The following PDE10A variants were observed in gnomAD, a reference collection of about 807,000 sequenced individuals.
PDE10A encodes the protein phosphodiesterase 10A.
Under a neutral mutation model 97.7 loss-of-function variants are expected in PDE10A, and 39 were observed. The ratio of observed to expected loss-of-function variants is 0.40; its 90% confidence interval spans 0.31 to 0.52. PDE10A has a LOEUF of 0.52. Among genes scored for constraint, PDE10A ranks in the 20% least tolerant of loss-of-function variants. The pLI, the probability that PDE10A is intolerant of heterozygous loss-of-function variation, is 0.56. For synonymous variants in PDE10A, 371 were observed against 376.8 expected, an observed-to-expected ratio of 0.98 and a Z score of 0.18; for missense variants, 731 against 1,047.8, an observed-to-expected ratio of 0.70 and a Z score of 4.17.
intron 1 of PDE10A, among the ~76,000 whole-genome samples, chr6:165,816,760 G>A (rs768369794): frequency 1.5e-4 from 23 of 152,210 alleles, no homozygotes; most frequent in African/African-American, 4.6e-4. Flanking sequence ...GGGCTCAGAC[G>A]GTGGAAAGAG....
intron 1 of PDE10A, among the ~76,000 whole-genome samples, chr6:165,676,732 C>T (rs10455804): frequency 0.47 from 62,126 of 130,836 alleles, 13,077 homozygotes; most frequent in South Asian, 0.54. Context: ...GTGACTCACA[C>T]GATCTGACTT....
intron 2 of PDE10A, among the ~76,000 whole-genome samples, chr6:165,488,029 CAAAAAAAAA>C (rs58319021): frequency 2.5e-4 from 21 of 83,382 alleles, no homozygotes; most frequent in Admixed American, 8.3e-4. Context: ...AACAAATTGG[CAAAAAAAAA>C]AAAAAAAAAA....
chr6:165,855,816 G>T (rs183289511), intron 1 of PDE10A, among the ~76,000 whole-genome samples: 40 of 152,194 alleles, frequency 2.6e-4, no homozygotes, highest in Non-Finnish European at 4.9e-4. Context: ...CTGGGCGGCT[G>T]GTCAGGTCCA....
intron 1 of PDE10A, among the ~76,000 whole-genome samples, chr6:165,898,808 C>T (rs1272668865): frequency 6.6e-6 from 1 of 152,142 alleles, no homozygotes; most frequent in East Asian, 1.9e-4. Flanking sequence ...GCTGCCTCCT[C>T]CCTGCTCCAT....
rs1479258757 is a variant in PDE10A, at chr6:165,662,640, G to A, written c.172C>T (p.Arg58Trp). 1 of 141,858 alleles carries A rather than the reference G, an allele frequency of 7.0e-6. No individual in the cohort carries two copies. The highest frequency in any genetic ancestry group is 2.5e-5 in the African/African-American group (1 of 39,556). The allele number at this position is 141,858 out of a possible 1,614,324, so 8.8% of individuals were successfully genotyped here. A position where few individuals can be genotyped will look rare whatever the true frequency, so the allele number is the denominator to read the frequency against. The change falls in exon 1 of 22, where the codon CGG (arginine) becomes TGG (tryptophan). Residue 58 changes from arginine (R) to tryptophan (W), a missense_variant. Arg to Trp is a moderately radical substitution (Grantham distance 101, BLOSUM62 -3). This residue lies in a region of PDE10A where 181 missense variants were observed against 159.1 expected (regional missense o/e 1.14). Coordinates refer to ENST00000539869, the MANE Select transcript of PDE10A (RefSeq NM_001385079.1). ...CGCGGGGGCGCGGCGCGCTCCGCCC[G>A]GCCACGGCCAGGCCACTCGGGGGCC... ...GPAPEWPGRG[R>W]AERAAPPRPP... is the part of the protein sequence containing the mutation.
At chr6:165,690,778 A>C (rs2128441488) in intron 1 of PDE10A, among the ~76,000 whole-genome samples, 1 of 152,332 alleles carries the variant, frequency 6.6e-6, no homozygotes, top group South Asian at 2.1e-4. Flanking sequence ...ATGAAGGTTA[A>C]TTTCATGTGT....
chr6:165,839,106 C>A (rs1026883138), intron 1 of PDE10A, among the ~76,000 whole-genome samples: 1 of 152,212 alleles, frequency 6.6e-6, no homozygotes, highest in Non-Finnish European at 1.5e-5. Flanking sequence ...TCCAGAAACT[C>A]TTTTTCTGTA....
intron 1 of PDE10A, among the ~76,000 whole-genome samples, chr6:165,616,916 T>A (rs1221312538): frequency 1.3e-5 from 2 of 152,198 alleles, no homozygotes; most frequent in African/African-American, 2.4e-5. Context: ...AAATATATAT[T>A]GTTTAATTAC....
At chr6:165,521,496 A>G (rs1407690146) in intron 2 of PDE10A, among the ~76,000 whole-genome samples, 2 of 152,228 alleles carry the variant, frequency 1.3e-5, no homozygotes, top group Admixed American at 1.3e-4. Context: ...ATGCAAAGCA[A>G]AAGCTCTTCA....
At chr6:165,609,340 G>T (rs546564582) in intron 1 of PDE10A, among the ~76,000 whole-genome samples, 1 of 152,240 alleles carries the variant, frequency 6.6e-6, no homozygotes, top group South Asian at 2.1e-4. Context: ...AATAAATTAG[G>T]TACTGATGGG....
chr6:165,776,966 A>G (rs556385500), intron 1 of PDE10A, among the ~76,000 whole-genome samples: 2 of 152,298 alleles, frequency 1.3e-5, no homozygotes, highest in Admixed American at 6.5e-5. Context: ...AAAATTACAC[A>G]TGCATGTTTG....
At chr6:165,664,297 T>C (rs1054844915), upstream of PDE10A, among the ~76,000 whole-genome samples, 2 of 152,144 alleles carry the variant, frequency 1.3e-5, no homozygotes, top group Admixed American at 1.3e-4. Flanking sequence ...CACATGTTTA[T>C]TTTGAAGCGT....
At chr6:165,689,505 G>A (rs184846149) in intron 1 of PDE10A, among the ~76,000 whole-genome samples, 17 of 152,280 alleles carry the variant, frequency 1.1e-4, no homozygotes, top group South Asian at 1.0e-3. Context: ...GACAGATCCC[G>A]CATGAACAGC....
At chr6:165,584,346 G>T (rs958204538) in intron 1 of PDE10A, among the ~76,000 whole-genome samples, 2 of 151,226 alleles carry the variant, frequency 1.3e-5, no homozygotes, top group African/African-American at 4.8e-5. Flanking sequence ...CCTTCTTACT[G>T]GGGGGCCTGG....
intron 18 of PDE10A, among the ~76,000 whole-genome samples, chr6:165,346,574 T>C (rs758311955): frequency 6.6e-6 from 1 of 152,128 alleles, no homozygotes; most frequent in Non-Finnish European, 1.5e-5. Context: ...TGCCATCCTA[T>C]TTCAAGATTT....
intron 18 of PDE10A, among the ~76,000 whole-genome samples, chr6:165,353,025 C>T (rs544917129): frequency 6.6e-6 from 1 of 152,150 alleles, no homozygotes; most frequent in Non-Finnish European, 1.5e-5. Flanking sequence ...AAAAATAGGG[C>T]TAAAGACATG....
chr6:165,983,589 T>C lies in PDE10A; in HGVS notation c.-615+3940A>G, dbSNP rs73787113. Among the ~76,000 whole-genome samples the C allele has an allele frequency of 9.6e-4, 147 of 152,356 alleles. 1 individual carries two copies. In the Middle Eastern group the frequency reaches 0.01, roughly 11 times the overall value. ...ACTACCACTGAAAGTTAATTTCCAG[T>C]CGCCTTCATTTCATACATGCTATAA... On this transcript the variant is annotated intron_variant, in intron 1 of 19. Coordinates refer to the PDE10A transcript ENST00000366882.
At chr6:165,794,384 C>T (rs1239100083) in intron 1 of PDE10A, among the ~76,000 whole-genome samples, 3 of 151,836 alleles carry the variant, frequency 2.0e-5, no homozygotes, top group African/African-American at 4.8e-5. Flanking sequence ...CAATCCCCCA[C>T]ACTCACACAT....
At chr6:165,575,555 C>T (rs1299783590) in intron 1 of PDE10A, among the ~76,000 whole-genome samples, 1 of 152,154 alleles carries the variant, frequency 6.6e-6, no homozygotes, top group Non-Finnish European at 1.5e-5. Flanking sequence ...TCTTCAAACT[C>T]TCCTTGCCCC....
Sources: allele counts gnomAD v4.1 joint callset (sites outside exome capture counted in the v4.1 genomes callset), GRCh38; gene constraint gnomAD v4.1.1; regional missense constraint gnomAD v4.1.1; transcripts MANE v1.5; gene names NCBI Gene and HGNC (gene_info 2026-07-23, HGNC 2026-07-21).